PHAF1: variants seen among roughly 807,000 people sequenced by gnomAD.
PHAF1 encodes phagosome assembly factor 1.
A neutral mutation model predicts 63.1 loss-of-function variants in PHAF1; 23 were observed. The observed-to-expected ratio is 0.36, with a 90% confidence interval of 0.26 to 0.52. The LOEUF (loss-of-function observed/expected upper bound fraction) is 0.52. PHAF1 is among the 20% of genes least tolerant of loss of function. PHAF1 has a pLI of 0.93. For missense variants in PHAF1, 427 were observed against 517.2 expected (o/e 0.83, Z 1.69); for synonymous variants, 167 against 185.0 (o/e 0.90, Z 0.79).
rs376549916 is a variant in PHAF1 at position 67,140,631 on chromosome 16, A to G, written c.879+37A>G. 7.4e-5 allele frequency: 107 copies of G among 1,442,346 alleles called. 1 individual carries two copies. Among genetic ancestry groups the G allele is most frequent in the Middle Eastern group, 3.5e-4 (2 of 5,760 alleles). The allele number at this position is 1,442,346 out of a possible 1,614,324, so 89.3% of individuals were successfully genotyped here. ...TTCCTCAGAGAAGCCCTTCATTTCTATTGGGGTGGGCAGTGCATCTTTGCA... is the reference window on the plus strand; with the variant it reads ...TTCCTCAGAGAAGCCCTTCATTTCTGTTGGGGTGGGCAGTGCATCTTTGCA... On this transcript the variant is annotated intron_variant, in intron 10 of 15. Transcript: ENST00000219139.
At chr16:67,124,760 G>A (rs894986708) in intron 2 of PHAF1, among the ~76,000 whole-genome samples, 39 of 152,044 alleles carry the variant, frequency 2.6e-4, no homozygotes, top group Non-Finnish European at 2.1e-4. Context: ...AAAGTCAGCC[G>A]GGCGTGGTGG....
chr16:67,116,573 CGT>C (rs1962740989), intron 1 of PHAF1, among the ~76,000 whole-genome samples: 2 of 152,118 alleles, frequency 1.3e-5, no homozygotes, highest in African/African-American at 4.8e-5. Context: ...GTATTGGCCA[CGT>C]GCGGTGGCTC....
intron 10 of PHAF1, among the ~76,000 whole-genome samples, chr16:67,142,800 T>C (rs1356147985): frequency 1.3e-5 from 2 of 152,190 alleles, no homozygotes; most frequent in Non-Finnish European, 2.9e-5. Context: ...AGGCCAGGGC[T>C]CTCACCTGTT....
chr16:67,127,308 A>G (rs570711530), intron 3 of PHAF1, among the ~76,000 whole-genome samples: 1 of 152,302 alleles, frequency 6.6e-6, no homozygotes, highest in South Asian at 2.1e-4. Context: ...TTCTTGGGTT[A>G]TGGAGTAGCC....
chr16:67,116,057 T>G (rs1028224951), intron 1 of PHAF1, among the ~76,000 whole-genome samples: 1 of 152,234 alleles, frequency 6.6e-6, no homozygotes, highest in African/African-American at 2.4e-5. Context: ...TCCTCTTTCT[T>G]GACATCTAAC....
In PHAF1 at chr16:67,147,297, G is replaced by A. The variant is rs1178592519; in HGVS notation, c.*166G>A. ...GGCTGGGTGCTCTGCCATGGGCTGA[G>A]TGGCCCAGATATTCTTCTGTCCATC... On this transcript the variant is annotated 3_prime_UTR_variant, in exon 16 of 16. Transcript: ENST00000219139. 4 of 614,248 alleles carry A rather than the reference G, an allele frequency of 6.5e-6. No individual in the cohort carries two copies. The highest frequency in any genetic ancestry group is 8.5e-6 in the Non-Finnish European group (3 of 352,664). The allele number at this position is 614,248 out of a possible 1,614,324, so 38.0% of individuals were successfully genotyped here. A position where few individuals can be genotyped will look rare whatever the true frequency, so the allele number is the denominator to read the frequency against.
intron 3 of PHAF1, 75 bp from the exon 4 acceptor site, chr16:67,131,211 C>G: frequency 8.0e-5 from 24 of 299,940 alleles, no homozygotes; most frequent in Non-Finnish European, 1.1e-4. Flanking sequence ...ACTATTTATT[C>G]TATAAATGTA....
chr16:67,139,075 C>CGTGGT (rs993647700), intron 8 of PHAF1, among the ~76,000 whole-genome samples: 1 of 151,600 alleles, frequency 6.6e-6, no homozygotes, highest in Non-Finnish European at 1.5e-5. Flanking sequence ...TGTGCCACCA[C>CGTGGT]GCCTGGCTAA....
Position 67,147,208 on chromosome 16 carries a change from G to A in PHAF1, c.*77G>A, listed in dbSNP as rs1241015634. The A allele has an allele frequency of 4.2e-6, 6 of 1,420,384 alleles. No individual in the cohort carries two copies. Among genetic ancestry groups the A allele is most frequent in the Non-Finnish European group, 5.9e-6 (6 of 1,012,332 alleles). The allele number at this position is 1,420,384 out of a possible 1,614,324, so 88.0% of individuals were successfully genotyped here. A position where few individuals can be genotyped will look rare whatever the true frequency, so the allele number is the denominator to read the frequency against. ...GCTCAGTGGGCCTCTGTACCACCCT[G>A]TGGGTTTTCTTGGACACCTGGCCAG... is the stretch of plus-strand genomic sequence containing the variant. On this transcript the variant is annotated 3_prime_UTR_variant, in exon 16 of 16. Transcript: ENST00000219139.
intron 1 of PHAF1, among the ~76,000 whole-genome samples, chr16:67,112,068 C>G (rs1962540207): frequency 6.6e-6 from 1 of 152,140 alleles, no homozygotes; most frequent in Non-Finnish European, 1.5e-5. Context: ...CTGGTGATAC[C>G]ATGCTAATGC....
At chr16:67,146,445 C>A (rs1427624455) in intron 15 of PHAF1, 95 bp downstream of exon 15, 2 of 1,281,752 alleles carry the variant, frequency 1.6e-6, no homozygotes, top group South Asian at 1.2e-5. Flanking sequence ...GAGGGCATCA[C>A]TGCCATAGTG....
intron 10 of PHAF1, among the ~76,000 whole-genome samples, chr16:67,142,655 C>G (rs1474194732): frequency 6.6e-6 from 1 of 152,224 alleles, no homozygotes; most frequent in Non-Finnish European, 1.5e-5. Context: ...GTAGTGGGAG[C>G]AGGCACTTTC....
In PHAF1 at chr16:67,147,082, A is replaced by G; in HGVS notation, c.1220A>G (p.Tyr407Cys). ...AACCACATTGCCTCGGTGACCCTGT[A>G]TGGCCCCCCCAGGCCTGGTAGCCAC... is the stretch of plus-strand genomic sequence containing the variant. ...QNNHIASVTL[Y>C]GPPRPGSHLR... The change falls in exon 16 of 16, where the codon TAT becomes TGT. Residue 407 changes from tyrosine to cysteine, a missense_variant. Physicochemically the swap from Tyr to Cys is radical, Grantham distance 194. Transcript: ENST00000219139. 4 of 1,613,992 alleles carry G rather than the reference A, an allele frequency of 2.5e-6. No homozygotes were observed. The highest frequency in any genetic ancestry group is 3.4e-6 in the Non-Finnish European group (4 of 1,179,978).
intron 1 of PHAF1, among the ~76,000 whole-genome samples, chr16:67,112,713 T>C (rs929240391): frequency 1.3e-5 from 2 of 152,108 alleles, no homozygotes; most frequent in Non-Finnish European, 1.5e-5. Flanking sequence ...ACTGTCTAAA[T>C]AGCAACCAAA....
Position 67,144,830 on chromosome 16 carries a change from C to G in PHAF1, c.963-4C>G. 4 of 1,614,048 alleles carry G rather than the reference C, an allele frequency of 2.5e-6. No homozygotes were observed. Among genetic ancestry groups the G allele is most frequent in the Non-Finnish European group, 3.4e-6 (4 of 1,179,972 alleles). ...CAGCCTTTACCCATTTGCCTTCTCTCTAGTTATCATCGCTGTGAGTTCAAG... is the reference window on the plus strand; with the variant it reads ...CAGCCTTTACCCATTTGCCTTCTCTGTAGTTATCATCGCTGTGAGTTCAAG... On this transcript the variant is annotated splice_polypyrimidine_tract_variant and splice_region_variant and intron_variant, in intron 11 of 15. Transcript: ENST00000219139.
intron 4 of PHAF1, 25 bp downstream of exon 4, chr16:67,131,354 A>C (rs1356901907): frequency 1.3e-6 from 2 of 1,524,592 alleles, no homozygotes; most frequent in African/African-American, 2.8e-5. Flanking sequence ...CTGCTGGTAT[A>C]TGTCACACTT....
chr16:67,143,555 C>G (rs1963884308), intron 10 of PHAF1, among the ~76,000 whole-genome samples: 1 of 152,186 alleles, frequency 6.6e-6, no homozygotes. Flanking sequence ...TTGGTTTCCT[C>G]ATCTGTAAAG....
intron 1 of PHAF1, among the ~76,000 whole-genome samples, chr16:67,112,408 G>A (rs1962553749): frequency 6.7e-6 from 1 of 148,420 alleles, no homozygotes; most frequent in African/African-American, 2.5e-5. Flanking sequence ...AAAAAAGCCA[G>A]GCCTGTAGTC....
chr16:67,131,402 G>T, intron 4 of PHAF1, 73 bp downstream of exon 4: 1 of 1,133,066 alleles, frequency 8.8e-7, no homozygotes, highest in Non-Finnish European at 1.3e-6. Flanking sequence ...TCATAAGTTA[G>T]TAAAGATTCA....
Sources: allele counts gnomAD v4.1 joint callset (sites outside exome capture counted in the v4.1 genomes callset), GRCh38; gene constraint gnomAD v4.1.1; transcripts MANE v1.5; gene names NCBI Gene and HGNC (gene_info 2026-07-23, HGNC 2026-07-21).